Variants in ADAM12 observed in about 807,000 individuals in gnomAD.
The protein encoded by ADAM12 is disintegrin and metalloproteinase domain-containing protein 12.
ADAM12 carries 70 observed loss-of-function variants against 106.4 expected under a neutral mutation model. That is an observed-to-expected ratio of 0.66 (90% CI 0.54 to 0.80). The LOEUF is 0.80. ADAM12 is among the 30% of genes least tolerant of loss of function. ADAM12 has a pLI of 0.00. For synonymous variants in ADAM12, 420 were observed against 433.5 expected, an observed-to-expected ratio of 0.97 and a Z score of 0.39; for missense variants, 1,010 against 1,171.9, an observed-to-expected ratio of 0.86 and a Z score of 2.02.
rs968793894 is a variant in ADAM12 at position 126,166,201 on chromosome 10, T to C, written c.261-10896A>G. Among the ~76,000 whole-genome samples the C allele has an allele frequency of 2.6e-5, 4 of 152,240 alleles. No individual in the cohort carries two copies. The South Asian group carries it at 6.2e-4, about 24-fold the overall frequency. The stretch of plus-strand genomic sequence containing the variant: ...ACACACTGAGACATGCTGTTATGAT[T>C]GTCTTTTGGGACTGTTCAGATGAGC... On this transcript the variant is annotated intron_variant, in intron 3 of 22. Transcript: ENST00000448723.
intron 7 of ADAM12, among the ~76,000 whole-genome samples, chr10:126,109,097 T>C (rs1194745854): frequency 1.3e-5 from 2 of 152,194 alleles, no homozygotes; most frequent in East Asian, 1.9e-4. Context: ...CAGAGGAGAA[T>C]AGACAAAAAA....
At position 126,358,103 on chromosome 10, in the gene ADAM12, C is replaced by T. The variant is rs528312531; in HGVS notation, c.89-27594G>A. On this transcript the variant is annotated intron_variant, in intron 1 of 22. Transcript: ENST00000448723. ...TGAGGCAGGAGAATGGCATGAACCC[C>T]GGGGGGTGGAACCTGCAGTGAGCCG... Among the ~76,000 whole-genome samples, 34 of 149,922 alleles carry T rather than the reference C, an allele frequency of 2.3e-4. 1 individual carries two copies. The East Asian group carries it at 4.9e-3, about 22-fold the overall frequency.
intron 3 of ADAM12, among the ~76,000 whole-genome samples, chr10:126,156,327 C>T (rs1956815077): frequency 1.3e-5 from 2 of 152,208 alleles, no homozygotes; most frequent in African/African-American, 4.8e-5. Context: ...CAAACGGAAA[C>T]ACTTCAGCTA....
intron 1 of ADAM12, among the ~76,000 whole-genome samples, chr10:126,358,452 A>G (rs1855625898): frequency 6.6e-6 from 1 of 152,238 alleles, no homozygotes; most frequent in African/African-American, 2.4e-5. Flanking sequence ...ATATCCTTTT[A>G]TGATAAACTC....
chr10:126,137,620 A>G (rs1956429820), intron 4 of ADAM12, among the ~76,000 whole-genome samples: 1 of 152,234 alleles, frequency 6.6e-6, no homozygotes, highest in Non-Finnish European at 1.5e-5. Context: ...GTTATTTTAT[A>G]GAAATGGAAT....
chr10:126,109,210 C>T (rs1176415287), intron 7 of ADAM12, among the ~76,000 whole-genome samples: 2 of 152,044 alleles, frequency 1.3e-5, no homozygotes, highest in Non-Finnish European at 2.9e-5. Flanking sequence ...TTGAAAGAGT[C>T]TATGAGAAAA....
intron 3 of ADAM12, among the ~76,000 whole-genome samples, chr10:126,253,056 T>A (rs1958817761): frequency 6.6e-6 from 1 of 152,200 alleles, no homozygotes; most frequent in Non-Finnish European, 1.5e-5. Context: ...TAACAGGACA[T>A]ACCTGTTTAG....
chr10:126,297,653 C>T (rs1310679642), intron 2 of ADAM12, among the ~76,000 whole-genome samples: 1 of 152,176 alleles, frequency 6.6e-6, no homozygotes, highest in Non-Finnish European at 1.5e-5. Flanking sequence ...CTGGTAATGA[C>T]AGTTTGAGTC....
rs1169363312 is a variant in ADAM12 at position 126,049,517 on chromosome 10, G to A, written c.1718+44C>T. 6.2e-7 allele frequency: 1 copy of A among 1,613,484 alleles called. No homozygotes were observed. Among genetic ancestry groups the A allele is most frequent in the African/African-American group, 1.3e-5 (1 of 74,930 alleles). ...TTGGAACCAACCCTATGCAATGTGG[G>A]AAGGTCAGAGCAAAGACTTTGCCAG... On this transcript the variant is annotated intron_variant, in intron 15 of 22. Coordinates refer to ENST00000448723, the MANE Select transcript of ADAM12 (RefSeq NM_001288973.2). The surrounding 1 kb of genome is among the most constrained non-coding windows in gnomAD (Gnocchi z 4.4).
chr10:126,015,915 G>T lies in ADAM12; in HGVS notation c.*1364C>A, dbSNP rs543720460. The stretch of plus-strand genomic sequence containing the variant: ...CTTGTGAAACATGGCTCCCTAGTCA[G>T]GCATTTGAAGAGTGAAGAGTTCAAG... On this transcript the variant is annotated 3_prime_UTR_variant, in exon 23 of 23. Coordinates refer to ENST00000448723, the MANE Select transcript of ADAM12 (RefSeq NM_001288973.2). 52 of 152,276 alleles carry T rather than the reference G, an allele frequency of 3.4e-4. No individual in the cohort carries two copies. Among genetic ancestry groups the T allele is most frequent in the African/African-American group, 1.2e-3 (51 of 41,548 alleles). 9.4% of individuals were successfully genotyped at this position (152,276 alleles called of 1,614,324 possible). A position where few individuals can be genotyped will look rare whatever the true frequency, so the allele number is the denominator to read the frequency against.
intron 21 of ADAM12, among the ~76,000 whole-genome samples, chr10:126,022,558 A>G (rs1953787814): frequency 6.6e-6 from 1 of 152,242 alleles, no homozygotes; most frequent in African/African-American, 2.4e-5. Context: ...CCATGATGCA[A>G]GAAGCACCAG....
rs201736769 is a variant in ADAM12 at position 126,118,152 on chromosome 10, G to A, written c.489C>T (p.Leu163=). The change falls in exon 6 of 23, where the codon CTC becomes CTT. Residue 163 remains leucine, a synonymous_variant. Coordinates refer to ENST00000448723, the MANE Select transcript of ADAM12 (RefSeq NM_001288973.2). ...CGCTTTTCAGCTTCTTCGCTGGGAA[G>A]AGTTTGTATCTGTTGGTTGCACTTT... ...PMKSATNRYK[L]FPAKKLKSVR... The A allele has an allele frequency of 3.9e-4, 629 of 1,613,964 alleles. 1 individual carries two copies. The highest frequency in any genetic ancestry group is 3.2e-4 in the Non-Finnish European group (378 of 1,179,930).
At chr10:126,195,981 G>A (rs1392158414) in intron 3 of ADAM12, among the ~76,000 whole-genome samples, 8 of 152,172 alleles carry the variant, frequency 5.3e-5, no homozygotes, top group Non-Finnish European at 1.2e-4. Context: ...GTTAGCGGAT[G>A]GCCTCCAGGG....
rs1954883398 is a variant in ADAM12 at position 126,066,931 on chromosome 10, C to T, written c.1324-125G>A. 1.2e-6 allele frequency: 1 copy of T among 846,370 alleles called. No individual in the cohort carries two copies. Among genetic ancestry groups the T allele is most frequent in the South Asian group, 1.6e-5 (1 of 62,872 alleles). 52.4% of individuals were successfully genotyped at this position (846,370 alleles called of 1,614,324 possible). On this transcript the variant is annotated intron_variant, in intron 12 of 22. Transcript: ENST00000448723. This position sits in a 1 kb window ranked among gnomAD's most constrained non-coding sequence, Gnocchi z 5.1. ...CCAAGAGGGCCCAGCTCCTGAACTG[C>T]ACACCTGCCTGTTTCCGTCTGTTAG...
At chr10:126,312,145 A>AC (rs1168195546) in intron 2 of ADAM12, among the ~76,000 whole-genome samples, 185 of 151,738 alleles carry the variant, frequency 1.2e-3, no homozygotes, top group Admixed American at 3.3e-3. Context: ...AAAAAAAAAA[A>AC]AAAAAAACCC....
chr10:126,039,306 A>G lies in ADAM12; in HGVS notation c.2228T>C (p.Ile743Thr), dbSNP rs754242944. 5.6e-6 allele frequency: 9 copies of G among 1,613,946 alleles called. No individual in the cohort carries two copies. The highest frequency in any genetic ancestry group is 4.5e-5 in the East Asian group (2 of 44,868). ...AAACCCAGGGTACCTTAGTTTTTCA[A>G]TGGTGGTCTTCTTATTTGTAAACAG... ...RLLFTNKKTT[I>T]EKLRCVRPSR... The change falls in exon 19 of 23, where the codon ATT (isoleucine) becomes ACT (threonine). Residue 743 changes from isoleucine (I) to threonine (T), a missense_variant. Coordinates refer to ENST00000448723, the MANE Select transcript of ADAM12 (RefSeq NM_001288973.2).
intron 2 of ADAM12, among the ~76,000 whole-genome samples, chr10:126,306,173 T>TA: frequency 6.6e-6 from 1 of 152,158 alleles, no homozygotes. Context: ...TCCTGTTTTT[T>TA]TAAAATAAAC....
chr10:126,244,898 C>T (rs185544821), intron 3 of ADAM12, among the ~76,000 whole-genome samples: 1 of 152,224 alleles, frequency 6.6e-6, no homozygotes, highest in East Asian at 1.9e-4. Context: ...TAGACATTCA[C>T]CAAGCAAAGG....
chr10:126,372,662 C>T (rs1856150840), intron 1 of ADAM12, among the ~76,000 whole-genome samples: 1 of 152,202 alleles, frequency 6.6e-6, no homozygotes, highest in African/African-American at 2.4e-5. Context: ...ATAAGAGAAG[C>T]AGATGCTTCT....
Sources: allele counts gnomAD v4.1 joint callset (sites outside exome capture counted in the v4.1 genomes callset), GRCh38; gene constraint gnomAD v4.1.1; non-coding constraint Gnocchi (gnomAD v3.1); transcripts MANE v1.5; gene names NCBI Gene and HGNC (gene_info 2026-07-23, HGNC 2026-07-21).